USO1: variants seen among roughly 807,000 people sequenced by gnomAD.
The protein encoded by USO1 is USO1 vesicle transport factor.
In USO1, 57 loss-of-function variants were observed where a neutral mutation model predicts 124.5. The observed-to-expected ratio is 0.46, with a 90% CI of 0.37 to 0.57. The LOEUF (loss-of-function observed/expected upper bound fraction) is 0.57. Ranked by LOEUF, USO1 falls within the 20% of genes least tolerant of loss-of-function variation. The pLI is 0.00. For synonymous variants in USO1, 369 were observed against 362.8 expected (o/e 1.02, Z -0.19); for missense variants, 900 against 1,040.6 (o/e 0.86, Z 1.86).
Position 75,790,813 on chromosome 4 carries a change from C to G in USO1, c.1240+16C>G, listed in dbSNP as rs777364631. The G allele has an allele frequency of 1.3e-6, 2 of 1,540,228 alleles. No individual in the cohort carries two copies. Among genetic ancestry groups the G allele is most frequent in the African/African-American group, 2.8e-5 (2 of 71,836 alleles). ...ACCATTGATGGTAAATAATTTAGTT[C>G]TAATTTTTATTTGAAAAAGTAAATC... is the stretch of plus-strand genomic sequence containing the variant. On this transcript the variant is annotated intron_variant, in intron 12 of 23. Transcript: ENST00000514213.
chr4:75,753,546 A>G (rs1721347299), intron 3 of USO1, among the ~76,000 whole-genome samples: 2 of 151,648 alleles, frequency 1.3e-5, no homozygotes, highest in South Asian at 2.1e-4. Flanking sequence ...AAAAAACAAA[A>G]AAGATAAATA....
chr4:75,796,821 C>G (rs1004110832), intron 13 of USO1, among the ~76,000 whole-genome samples: 2 of 151,520 alleles, frequency 1.3e-5, no homozygotes, highest in African/African-American at 4.9e-5. Context: ...TATTTATATC[C>G]TCTGCCCATT....
chr4:75,793,588 T>G, intron 12 of USO1, 102 bp from the exon 13 acceptor site: 1 of 1,383,124 alleles, frequency 7.2e-7, no homozygotes, highest in Non-Finnish European at 9.8e-7. Flanking sequence ...TTATATTTAA[T>G]GGTATTTCAC....
At chr4:75,748,436 C>T (rs1254783075) in intron 1 of USO1, among the ~76,000 whole-genome samples, 2 of 151,942 alleles carry the variant, frequency 1.3e-5, no homozygotes, top group Admixed American at 1.3e-4. Flanking sequence ...CAATCCACCC[C>T]TCTCAGCCTC....
chr4:75,791,577 C>T (rs940127594), intron 12 of USO1, among the ~76,000 whole-genome samples: 8 of 152,116 alleles, frequency 5.3e-5, no homozygotes, highest in Non-Finnish European at 7.4e-5. Flanking sequence ...TCACATTTAA[C>T]TTTCAGTCTG....
intron 1 of USO1, among the ~76,000 whole-genome samples, chr4:75,725,784 A>G (rs1306317468): frequency 6.6e-6 from 1 of 152,198 alleles, no homozygotes; most frequent in African/African-American, 2.4e-5. Flanking sequence ...GATCTACATA[A>G]AAGAGACTAA....
Position 75,801,020 on chromosome 4 carries a change from A to C in USO1, c.1865-59A>C, listed in dbSNP as rs182078911. ...AGGTTATATGTTTTTACTAAGTCTT[A>C]GTAGTAAAATAGTATTTAAAACATT... is the stretch of plus-strand genomic sequence containing the variant. On this transcript the variant is annotated intron_variant, in intron 16 of 23. Transcript: ENST00000514213. The C allele has an allele frequency of 4.8e-5, 69 of 1,422,820 alleles. 1 individual carries two copies. The African/African-American group carries it at 8.4e-4, about 17-fold the overall frequency. 88.1% of individuals were successfully genotyped at this position (1,422,820 alleles called of 1,614,324 possible).
intron 1 of USO1, among the ~76,000 whole-genome samples, chr4:75,744,254 A>G (rs1228279751): frequency 2.0e-5 from 3 of 152,206 alleles, no homozygotes; most frequent in Non-Finnish European, 1.5e-5. Context: ...TGAACAAATG[A>G]ATGGATTACC....
At chr4:75,800,081 A>G (rs1722801513) in intron 14 of USO1, among the ~76,000 whole-genome samples, 7 of 151,542 alleles carry the variant, frequency 4.6e-5, no homozygotes, top group Admixed American at 4.6e-4. Flanking sequence ...CTGAGTAGCT[A>G]GGATTACAGG....
chr4:75,800,390 C>T lies in USO1; in HGVS notation c.1603C>T (p.Gln535Ter). ...QIAENLGEEEQLVQGLCALLL... is the reference protein window; with the variant it reads ...QIAENLGEEE Reference sequence around the variant, plus strand: ...TGCAGAAAATCTTGGAGAAGAAGAGCAGTTGGTCCAAGGCTTATGTGCCCT... The same window carrying T: ...TGCAGAAAATCTTGGAGAAGAAGAGTAGTTGGTCCAAGGCTTATGTGCCCT... The change falls in exon 15 of 24, where the codon CAG becomes TAG. Residue 535 changes from glutamine to a stop codon, truncating the protein, a stop_gained. Coordinates refer to ENST00000514213, the MANE Select transcript of USO1 (RefSeq NM_003715.4). LOFTEE classifies it high-confidence loss of function. 1 of 1,599,386 alleles carries T rather than the reference C, an allele frequency of 6.3e-7. No individual in the cohort carries two copies. Among genetic ancestry groups the T allele is most frequent in the Non-Finnish European group, 8.5e-7 (1 of 1,172,388 alleles).
At chr4:75,803,147 C>T (rs1722901444) in intron 17 of USO1, among the ~76,000 whole-genome samples, 1 of 149,490 alleles carries the variant, frequency 6.7e-6, no homozygotes, top group Non-Finnish European at 1.5e-5. Flanking sequence ...GGAAAGCAAC[C>T]TTAGCATCAA....
chr4:75,776,698 C>G (rs1722080488), intron 8 of USO1, among the ~76,000 whole-genome samples: 1 of 152,008 alleles, frequency 6.6e-6, no homozygotes, highest in Non-Finnish European at 1.5e-5. Context: ...TTCAGATGGT[C>G]CTAATGGCAG....
chr4:75,760,856 G>A (rs1721585862), intron 4 of USO1, among the ~76,000 whole-genome samples: 1 of 152,112 alleles, frequency 6.6e-6, no homozygotes, highest in Non-Finnish European at 1.5e-5. Context: ...TAAAATTAAA[G>A]GTTTTTCTGG....
intron 21 of USO1, 31 bp from the exon 22 acceptor site, chr4:75,810,401 A>G: frequency 6.3e-7 from 1 of 1,579,852 alleles, no homozygotes; most frequent in African/African-American, 1.4e-5. Flanking sequence ...AATGTTTAAG[A>G]GACATCTTTT....
At chr4:75,777,186 A>G (rs982879795) in intron 8 of USO1, among the ~76,000 whole-genome samples, 1 of 152,170 alleles carries the variant, frequency 6.6e-6, no homozygotes, top group Non-Finnish European at 1.5e-5. Flanking sequence ...CTTAAATTTA[A>G]TTTTCAGCAA....
intron 21 of USO1, among the ~76,000 whole-genome samples, chr4:75,810,012 A>C (rs1219057565): frequency 1.3e-5 from 2 of 152,254 alleles, no homozygotes; most frequent in Admixed American, 6.5e-5. Flanking sequence ...CTAGCACTTG[A>C]GAAAAGATTT....
intron 8 of USO1, among the ~76,000 whole-genome samples, chr4:75,780,908 A>G (rs1722203083): frequency 6.6e-6 from 1 of 151,964 alleles, no homozygotes; most frequent in South Asian, 2.1e-4. Context: ...CAGCCTCCCA[A>G]AGTGCTGGGA....
At chr4:75,756,815 A>G (rs1471837528) in intron 3 of USO1, among the ~76,000 whole-genome samples, 2 of 152,012 alleles carry the variant, frequency 1.3e-5, no homozygotes, top group Non-Finnish European at 2.9e-5. Flanking sequence ...ACCGGGCACC[A>G]TAAGATTTTT....
chr4:75,729,860 C>T (rs552037066), intron 1 of USO1: 1 of 305,136 alleles, frequency 3.3e-6, no homozygotes, highest in Non-Finnish European at 6.4e-6. Context: ...GAAGGGCTAA[C>T]AATATAAACA....
Sources: allele counts gnomAD v4.1 joint callset (sites outside exome capture counted in the v4.1 genomes callset), GRCh38; gene constraint gnomAD v4.1.1; transcripts MANE v1.5; gene names NCBI Gene and HGNC (gene_info 2026-07-23, HGNC 2026-07-21).